Variants in OTUD7A observed in about 807,000 individuals in gnomAD.
OTUD7A encodes OTU domain-containing protein 7A.
OTUD7A carries 12 observed loss-of-function variants against 65.7 expected under a neutral mutation model. That is an observed-to-expected ratio of 0.18 (90% CI 0.12 to 0.30). The LOEUF (loss-of-function observed/expected upper bound fraction) is 0.30. OTUD7A is among the 10% of genes least tolerant of loss of function. OTUD7A has a pLI of 1.00. For synonymous variants in OTUD7A, 641 were observed against 586.3 expected, an observed-to-expected ratio of 1.09 and a Z score of -1.35; for missense variants, 1,148 against 1,304.8, an observed-to-expected ratio of 0.88 and a Z score of 1.85.
chr15:31,748,174 T>C (rs1894530133), intron 1 of OTUD7A, among the ~76,000 whole-genome samples: 1 of 151,764 alleles, frequency 6.6e-6, no homozygotes, highest in Admixed American at 6.6e-5. Context: ...TAGAATTGTA[T>C]GTGTTAAATT....
intron 1 of OTUD7A, among the ~76,000 whole-genome samples, chr15:31,722,015 C>G (rs1211337427): frequency 2.6e-5 from 4 of 152,234 alleles, no homozygotes; most frequent in Non-Finnish European, 5.9e-5. Context: ...GAGGCGGGGT[C>G]TGCTTGTGTG....
rs1490067186 is a variant in OTUD7A at position 31,653,020 on chromosome 15, G to A, written c.151+2076C>T. Among the ~76,000 whole-genome samples, 3 of 152,134 alleles carry A rather than the reference G, an allele frequency of 2.0e-5. No homozygotes were observed. In the South Asian group the frequency reaches 6.2e-4, roughly 32 times the overall value. ...AATCCCAGCCCTTTGGGAGGCTGAG[G>A]CGGGCAGATCACGAGGTCAGGAGCT... On this transcript the variant is annotated intron_variant, in intron 3 of 12. Coordinates refer to ENST00000307050, the MANE Select transcript of OTUD7A (RefSeq NM_001382637.1).
At chr15:31,622,702 G>T (rs1161064860) in intron 3 of OTUD7A, among the ~76,000 whole-genome samples, 1 of 152,074 alleles carries the variant, frequency 6.6e-6, no homozygotes, top group Non-Finnish European at 1.5e-5. Flanking sequence ...CTTTGTGATG[G>T]GTTCTAACTT....
At chr15:31,563,740 G>C (rs1394500104) in intron 4 of OTUD7A, among the ~76,000 whole-genome samples, 1 of 152,230 alleles carries the variant, frequency 6.6e-6, no homozygotes, top group African/African-American at 2.4e-5. Flanking sequence ...AGTCCCTACA[G>C]GAAACAAGGA....
At chr15:31,737,256 G>A (rs1319286992) in intron 1 of OTUD7A, among the ~76,000 whole-genome samples, 2 of 152,056 alleles carry the variant, frequency 1.3e-5, no homozygotes, top group African/African-American at 4.8e-5. Context: ...ACATACACAG[G>A]CAAGGGACTA....
intron 3 of OTUD7A, among the ~76,000 whole-genome samples, chr15:31,610,005 G>T (rs1013037288): frequency 6.6e-6 from 1 of 151,500 alleles, no homozygotes; most frequent in Non-Finnish European, 1.5e-5. Context: ...AGGAAAGGGG[G>T]AGAATACTAC....
intron 3 of OTUD7A, among the ~76,000 whole-genome samples, chr15:31,578,061 GC>G (rs999671133): frequency 6.6e-6 from 1 of 151,918 alleles, no homozygotes; most frequent in African/African-American, 2.4e-5. Context: ...AAATTTGAAG[GC>G]CCCCCGACAA....
intron 1 of OTUD7A, among the ~76,000 whole-genome samples, chr15:31,668,712 G>A (rs1892396232): frequency 6.6e-6 from 1 of 152,152 alleles, no homozygotes; most frequent in Admixed American, 6.5e-5. Context: ...TTTTTGGGGG[G>A]TGTTAAAGAG....
chr15:31,756,627 AACACACACACACACACACACACACAC>A (rs56792926), intron 1 of OTUD7A, among the ~76,000 whole-genome samples: 13 of 138,472 alleles, frequency 9.4e-5, no homozygotes, highest in East Asian at 4.4e-4. Flanking sequence ...CAGTGTACCC[AACACACACACACACACACACACACAC>A]ACACACACAC....
At chr15:31,622,206 T>G (rs569712828) in intron 3 of OTUD7A, among the ~76,000 whole-genome samples, 90 of 152,330 alleles carry the variant, frequency 5.9e-4, no homozygotes, top group African/African-American at 2.0e-3. Flanking sequence ...ATTTTTTCCT[T>G]CATTTCAACT....
intron 1 of OTUD7A, among the ~76,000 whole-genome samples, chr15:31,782,385 T>C (rs60002480): frequency 0.017 from 2,517 of 152,268 alleles, 78 homozygotes; most frequent in African/African-American, 0.058. Flanking sequence ...CTAGGTATGT[T>C]CCCTGAATAC....
chr15:31,507,087 A>G (rs1031202625), intron 8 of OTUD7A, among the ~76,000 whole-genome samples: 5 of 152,214 alleles, frequency 3.3e-5, no homozygotes, highest in African/African-American at 1.2e-4. Flanking sequence ...TATTTTTATA[A>G]TAGGCATTCT....
intron 1 of OTUD7A, among the ~76,000 whole-genome samples, chr15:31,669,615 T>C (rs1892427496): frequency 2.6e-5 from 4 of 152,212 alleles, no homozygotes; most frequent in African/African-American, 9.7e-5. Context: ...CCCCCGCCTG[T>C]GGAGAGTCTG....
intron 1 of OTUD7A, among the ~76,000 whole-genome samples, chr15:31,675,764 A>T (rs1285631979): frequency 6.6e-6 from 1 of 152,258 alleles, no homozygotes; most frequent in Non-Finnish European, 1.5e-5. Context: ...ACACAAAAAG[A>T]TCTATTTCAT....
chr15:31,801,024 G>T (rs1013765594), intron 1 of OTUD7A, among the ~76,000 whole-genome samples: 1 of 142,322 alleles, frequency 7.0e-6, no homozygotes. Context: ...TACACACGCA[G>T]CTTAATGTAG....
intron 1 of OTUD7A, among the ~76,000 whole-genome samples, chr15:31,661,716 C>T (rs1046729368): frequency 6.6e-6 from 1 of 152,158 alleles, no homozygotes; most frequent in African/African-American, 2.4e-5. Context: ...ATAATCCCAC[C>T]TAAAAATAAC....
At chr15:31,646,901 G>T (rs1891690204) in intron 3 of OTUD7A, among the ~76,000 whole-genome samples, 1 of 152,116 alleles carries the variant, frequency 6.6e-6, no homozygotes, top group Non-Finnish European at 1.5e-5. Flanking sequence ...GTGACACAAG[G>T]AAACTCACTG....
chr15:31,506,193 C>T (rs961577136), intron 8 of OTUD7A, among the ~76,000 whole-genome samples: 1 of 151,378 alleles, frequency 6.6e-6, no homozygotes, highest in Non-Finnish European at 1.5e-5. Flanking sequence ...AATAAAGGTA[C>T]AATATTGAGT....
At chr15:31,731,653 C>T (rs1013634946) in intron 1 of OTUD7A, among the ~76,000 whole-genome samples, 1 of 152,130 alleles carries the variant, frequency 6.6e-6, no homozygotes, top group African/African-American at 2.4e-5. Flanking sequence ...TGTCTAAACC[C>T]GTGGAGTGTA....
Sources: allele counts gnomAD v4.1 joint callset (sites outside exome capture counted in the v4.1 genomes callset), GRCh38; gene constraint gnomAD v4.1.1; transcripts MANE v1.5; gene names NCBI Gene and HGNC (gene_info 2026-07-23, HGNC 2026-07-21).